Variants in TNFRSF19 observed in about 807,000 individuals in gnomAD.
TNFRSF19 encodes the protein TNF receptor superfamily member 19.
TNFRSF19 carries 27 observed loss-of-function variants against 46.4 expected under a neutral mutation model. The observed-to-expected ratio is 0.58, with a 90% CI of 0.43 to 0.80. The LOEUF (loss-of-function observed/expected upper bound fraction) is 0.80, where lower values mean the gene tolerates loss of function less well. TNFRSF19 is among the 30% of genes least tolerant of loss of function. The pLI is 0.00. For missense variants in TNFRSF19, 511 were observed against 530.8 expected, an observed-to-expected ratio of 0.96 and a Z score of 0.37; for synonymous variants, 204 against 205.0, an observed-to-expected ratio of 1.00 and a Z score of 0.04.
At chr13:23,582,189 G>C (rs2138152058) in intron 1 of TNFRSF19, among the ~76,000 whole-genome samples, 1 of 147,080 alleles carries the variant, frequency 6.8e-6, no homozygotes, top group African/African-American at 2.5e-5. Flanking sequence ...GACCATCCTG[G>C]CTAACATGGT....
In TNFRSF19 at chr13:23,673,422, C is replaced by G; in HGVS notation, c.*42C>G. The G allele has an allele frequency of 6.3e-7, 1 of 1,593,604 alleles. No homozygotes were observed. Among genetic ancestry groups the G allele is most frequent in the Admixed American group, 1.7e-5 (1 of 58,114 alleles). On this transcript the variant is annotated 3_prime_UTR_variant, in exon 10 of 10. Transcript: ENST00000248484. Reference sequence around the variant, plus strand: ...TGCAGTAGAAGCGTGTGCTGGAACCCAAAGAGTACTCCTTTGTTAGGCTTA... The same window carrying G: ...TGCAGTAGAAGCGTGTGCTGGAACCGAAAGAGTACTCCTTTGTTAGGCTTA...
At chr13:23,644,758 C>T (rs778652184) in intron 5 of TNFRSF19, among the ~76,000 whole-genome samples, 3 of 152,194 alleles carry the variant, frequency 2.0e-5, no homozygotes, top group Admixed American at 6.5e-5. Context: ...TAAACACAGA[C>T]GGTAGGAAAT....
At chr13:23,658,866 C>T (rs1432973934) in intron 5 of TNFRSF19, among the ~76,000 whole-genome samples, 184 bp from the exon 6 acceptor site, 2 of 152,058 alleles carry the variant, frequency 1.3e-5, no homozygotes, top group Admixed American at 6.5e-5. Context: ...TGTGGGGTGC[C>T]GGGTAAAGGT....
intron 1 of TNFRSF19, among the ~76,000 whole-genome samples, chr13:23,585,957 T>A (rs1398193319): frequency 2.0e-5 from 3 of 152,204 alleles, no homozygotes; most frequent in Non-Finnish European, 4.4e-5. Context: ...TTTAAAGATT[T>A]AAGTGCTGCA....
chr13:23,602,444 A>G (rs1752943457), intron 3 of TNFRSF19, among the ~76,000 whole-genome samples: 1 of 152,142 alleles, frequency 6.6e-6, no homozygotes, highest in Admixed American at 6.6e-5. Context: ...ACTATCAGAA[A>G]TGGACAGATT....
chr13:23,662,028 T>A (rs1379138964), intron 7 of TNFRSF19, among the ~76,000 whole-genome samples: 1 of 152,230 alleles, frequency 6.6e-6, no homozygotes, highest in African/African-American at 2.4e-5. Flanking sequence ...ATGCAGAAGG[T>A]CTTAAGTTTA....
At chr13:23,638,465 A>G (rs1593277398) in intron 5 of TNFRSF19, among the ~76,000 whole-genome samples, 2 of 152,148 alleles carry the variant, frequency 1.3e-5, no homozygotes, top group African/African-American at 2.4e-5. Flanking sequence ...CTGCCTTGCC[A>G]GCCCCTCCCC....
chr13:23,671,240 G>C (rs1488875655), intron 9 of TNFRSF19, among the ~76,000 whole-genome samples: 1 of 152,134 alleles, frequency 6.6e-6, no homozygotes, highest in Non-Finnish European at 1.5e-5. Flanking sequence ...AAATCATTAT[G>C]AAAAGAAAGT....
rs557534102 is a variant in TNFRSF19 at position 23,659,886 on chromosome 13, C to T, written c.611-479C>T. Among the ~76,000 whole-genome samples, 1 of 152,078 alleles carries T rather than the reference C, an allele frequency of 6.6e-6. No individual in the cohort carries two copies. The highest frequency in any genetic ancestry group is 1.5e-5 in the Non-Finnish European group (1 of 68,024). On this transcript the variant is annotated intron_variant, in intron 6 of 9. Coordinates refer to ENST00000248484, the MANE Select transcript of TNFRSF19 (RefSeq NM_148957.4). This position sits in a 1 kb window ranked among gnomAD's most constrained non-coding sequence, Gnocchi z 4.9. ...GTTACTAAGAGAATCATAAGGGAGA[C>T]AAAATAGATTTACTCTTCATTAAGT... is the stretch of plus-strand genomic sequence containing the variant.
intron 5 of TNFRSF19, among the ~76,000 whole-genome samples, chr13:23,655,641 A>G (rs1883929522): frequency 6.6e-6 from 1 of 152,130 alleles, no homozygotes; most frequent in Non-Finnish European, 1.5e-5. Flanking sequence ...CTTTTCCTTT[A>G]GCGTAGATAA....
chr13:23,648,116 T>C (rs1186477924), intron 5 of TNFRSF19, among the ~76,000 whole-genome samples: 1 of 152,202 alleles, frequency 6.6e-6, no homozygotes, highest in Non-Finnish European at 1.5e-5. Flanking sequence ...CTTTTTCACT[T>C]CTGTAAAAAA....
intron 3 of TNFRSF19, among the ~76,000 whole-genome samples, chr13:23,598,546 T>C (rs897754919): frequency 2.0e-5 from 3 of 152,178 alleles, no homozygotes; most frequent in Admixed American, 6.5e-5. Context: ...TTCCAAACCA[T>C]GGTTTTGAAC....
At chr13:23,667,066 CTTTGTGTGTG>C (rs1212578714) in intron 7 of TNFRSF19, among the ~76,000 whole-genome samples, 2 of 145,676 alleles carry the variant, frequency 1.4e-5, no homozygotes, top group Non-Finnish European at 1.5e-5. Context: ...ATGTGTGTGT[CTTTGTGTGTG>C]TGTGTGTGTG....
At chr13:23,571,736 G>A (rs1309313274) in intron 1 of TNFRSF19, among the ~76,000 whole-genome samples, 1 of 151,972 alleles carries the variant, frequency 6.6e-6, no homozygotes, top group Admixed American at 6.6e-5. Flanking sequence ...TACCGAATTT[G>A]AAAGTTAACT....
chr13:23,580,208 G>T (rs549939998), intron 1 of TNFRSF19, among the ~76,000 whole-genome samples: 10 of 152,304 alleles, frequency 6.6e-5, no homozygotes, highest in African/African-American at 2.4e-4. Flanking sequence ...GATCTGTTTT[G>T]ATGGTAGTGC....
chr13:23,578,601 G>C (rs1878133133), intron 1 of TNFRSF19, among the ~76,000 whole-genome samples: 1 of 152,230 alleles, frequency 6.6e-6, no homozygotes, highest in Non-Finnish European at 1.5e-5. Context: ...AAACCAACAC[G>C]TGAGAAACGG....
intron 1 of TNFRSF19, among the ~76,000 whole-genome samples, chr13:23,580,932 C>CT (rs1263912512): frequency 2.6e-5 from 4 of 152,134 alleles, no homozygotes; most frequent in African/African-American, 4.8e-5. Flanking sequence ...CTTTAGGAAA[C>CT]TTTTTTCCAT....
chr13:23,615,907 C>A lies in TNFRSF19; in HGVS notation c.221C>A (p.Thr74Lys). The A allele has an allele frequency of 6.2e-7, 1 of 1,613,580 alleles. No homozygotes were observed. ...FGYGEDAQCVTCRLHRFKEDW... is the reference protein window; with the variant it reads ...FGYGEDAQCVKCRLHRFKEDW... ...TATGGGGAGGATGCACAGTGTGTGA[C>A]GTGCCGGCTGCACAGGTTCAAGGAG... is the stretch of plus-strand genomic sequence containing the variant. The change falls in exon 4 of 10, where the codon ACG (threonine) becomes AAG (lysine). Residue 74 changes from threonine to lysine, a missense_variant. By Grantham distance (78) the Thr-to-Lys change is moderately conservative (BLOSUM62 -1). Transcript: ENST00000248484.
chr13:23,593,453 A>G lies in TNFRSF19; in HGVS notation c.178A>G (p.Lys60Glu), dbSNP rs1180319585. ...NQCGPGMELS[K>E]ECGFGYGEDA... ...GTGTGGGCCAGGCATGGAGTTGTCT[A>G]AGGTATATTGGATACATGGCAAAGT... is the stretch of plus-strand genomic sequence containing the variant. The change falls in exon 3 of 10, where the codon AAG (lysine) becomes GAG (glutamate). Residue 60 changes from lysine (K) to glutamate (E), a missense_variant and splice_region_variant. Coordinates refer to ENST00000248484, the MANE Select transcript of TNFRSF19 (RefSeq NM_148957.4). 5.0e-6 allele frequency: 8 copies of G among 1,595,902 alleles called. No individual in the cohort carries two copies. The highest frequency in any genetic ancestry group is 6.8e-6 in the Non-Finnish European group (8 of 1,173,004).
Sources: gnomAD v4.1 joint callset for allele counts (sites outside exome capture counted in the v4.1 genomes callset) on GRCh38, gnomAD v4.1.1 for gene constraint, Gnocchi (gnomAD v3.1) non-coding constraint, MANE v1.5 for transcripts, NCBI Gene and HGNC (gene_info 2026-07-23, HGNC 2026-07-21) for gene names.